NF1: variants seen among roughly 807,000 people sequenced by gnomAD.
NF1 encodes neurofibromin 1, also known as neurofibromin.
NF1 carries 122 observed loss-of-function variants against 325.7 expected under a neutral mutation model. That is an observed-to-expected ratio of 0.37 (90% confidence interval 0.32 to 0.44). The LOEUF is 0.44. NF1 is among the 20% of genes least tolerant of loss of function. The pLI is 1.00. For missense variants in NF1, 2,140 were observed against 3,415.4 expected (o/e 0.63, Z 9.31); for synonymous variants, 1,091 against 1,186.0 (o/e 0.92, Z 1.65).
At chr17:31,100,203 C>T (rs1597556556) in intron 1 of NF1, among the ~76,000 whole-genome samples, 1 of 152,138 alleles carries the variant, frequency 6.6e-6, no homozygotes, top group Non-Finnish European at 1.5e-5. Flanking sequence ...TTGTTGTTCT[C>T]ATACATTGAG....
intron 1 of NF1, among the ~76,000 whole-genome samples, chr17:31,124,578 AT>A (rs1483193670): frequency 1.0e-5 from 1 of 99,816 alleles, no homozygotes; most frequent in East Asian, 2.8e-4. Flanking sequence ...GGAAGCATAT[AT>A]TTGTATTCTT....
rs1279645304 is a variant in NF1 at position 31,374,254 on chromosome 17, A to T, written c.*99A>T. On this transcript the variant is annotated 3_prime_UTR_variant, in exon 58 of 58. Transcript: ENST00000358273. ...CTTTCCCCCCATGTTGTAATGCTGC[A>T]CTTCCTGTTTTATAATGAACCCATC... 1 of 1,496,838 alleles carries T rather than the reference A, an allele frequency of 6.7e-7. No individual in the cohort carries two copies. The highest frequency in any genetic ancestry group is 1.1e-5 in the South Asian group (1 of 87,284). The allele number at this position is 1,496,838 out of a possible 1,614,324, so 92.7% of individuals were successfully genotyped here. A position where few individuals can be genotyped will look rare whatever the true frequency, so the allele number is the denominator to read the frequency against.
intron 15 of NF1, 134 bp from the exon 16 acceptor site, chr17:31,223,306 GTTTC>G: frequency 2.0e-6 from 2 of 1,010,898 alleles, no homozygotes; most frequent in South Asian, 2.8e-5. Context: ...TTTGATAACT[GTTTC>G]TCTAAAACCT....
chr17:31,209,698 G>A (rs2066690671), intron 12 of NF1, among the ~76,000 whole-genome samples: 1 of 152,012 alleles, frequency 6.6e-6, no homozygotes, highest in Admixed American at 6.6e-5. Context: ...CACCCAGGCT[G>A]GAGTGAGTGC....
intron 1 of NF1, among the ~76,000 whole-genome samples, chr17:31,107,258 C>T (rs1912939588): frequency 6.6e-6 from 1 of 152,022 alleles, no homozygotes; most frequent in Non-Finnish European, 1.5e-5. Flanking sequence ...GTATTTCTTT[C>T]CCTGTTATGT....
rs760433938 is a variant in NF1, at chr17:31,358,600, A to G, written c.8091A>G (p.Gln2697=). Reference sequence around the variant, plus strand: ...TGTACCATGAAGAATCCCCACCACAATACCAAACATCTTACCTGCAAAGTA... The same window carrying G: ...TGTACCATGAAGAATCCCCACCACAGTACCAAACATCTTACCTGCAAAGTA... The part of the protein sequence containing the change: ...SVVYHEESPP[Q]YQTSYLQSFG... Residue 2697 remains glutamine, a synonymous_variant, in exon 55 of 58, where the codon CAA becomes CAG. Transcript: ENST00000358273. 3.7e-6 allele frequency: 6 copies of G among 1,613,964 alleles called. No homozygotes were observed. The East Asian group carries it at 1.3e-4, about 36-fold the overall frequency.
intron 48 of NF1, among the ~76,000 whole-genome samples, chr17:31,348,253 TG>T (rs1376741920): frequency 7.9e-6 from 1 of 126,126 alleles, no homozygotes; most frequent in African/African-American, 3.0e-5. Context: ...ATGTGATTTT[TG>T]GAAACAGGAA....
At chr17:31,167,829 C>G (rs1454651599) in intron 4 of NF1, among the ~76,000 whole-genome samples, 2 of 152,126 alleles carry the variant, frequency 1.3e-5, no homozygotes, top group African/African-American at 2.4e-5. Context: ...TTTGTGATAA[C>G]TTCATATTCA....
intron 15 of NF1, 199 bp downstream of exon 15, chr17:31,222,128 TA>T: frequency 7.8e-7 from 1 of 1,290,138 alleles, no homozygotes; most frequent in Non-Finnish European, 9.8e-7. Context: ...ATTTAGAAAA[TA>T]AATTTTAAGA....
chr17:31,221,935 T>C lies in NF1; in HGVS notation c.1721+6T>C, dbSNP rs2144005065. 3 of 1,584,746 alleles carry C rather than the reference T, an allele frequency of 1.9e-6. No individual in the cohort carries two copies. The highest frequency in any genetic ancestry group is 1.4e-5 in the African/African-American group (1 of 73,788). ...GAAACATTTTGGGAGATTAGGTATATGTACTTTTATTTTTTAAATTCAACT... is the reference window on the plus strand; with the variant it reads ...GAAACATTTTGGGAGATTAGGTATACGTACTTTTATTTTTTAAATTCAACT... On this transcript the variant is annotated splice_donor_region_variant and intron_variant, in intron 15 of 57. Coordinates refer to ENST00000358273, the MANE Select transcript of NF1 (RefSeq NM_001042492.3).
intron 36 of NF1, chr17:31,295,504 G>A: frequency 6.2e-7 from 1 of 1,614,150 alleles, no homozygotes. Context: ...CAGTGAATAA[G>A]CTTGAGGTAA....
At chr17:31,340,891 G>C (rs1373571852) in intron 47 of NF1, among the ~76,000 whole-genome samples, 1 of 146,068 alleles carries the variant, frequency 6.8e-6, no homozygotes. Context: ...CCTAATACTA[G>C]TAGAATTACA....
At chr17:31,154,518 C>T (rs994563167) in intron 1 of NF1, among the ~76,000 whole-genome samples, 1 of 152,188 alleles carries the variant, frequency 6.6e-6, no homozygotes, top group Admixed American at 6.5e-5. Flanking sequence ...GACTTGTGCT[C>T]ACTGAATCTA....
intron 11 of NF1, among the ~76,000 whole-genome samples, chr17:31,205,265 G>A (rs1232811088): frequency 2.0e-5 from 3 of 152,122 alleles, no homozygotes; most frequent in Non-Finnish European, 4.4e-5. Flanking sequence ...GGACTGAAAT[G>A]TGAGAGATGT....
chr17:31,117,474 C>CA (rs1914030384), intron 1 of NF1, among the ~76,000 whole-genome samples: 1 of 149,730 alleles, frequency 6.7e-6, no homozygotes, highest in Non-Finnish European at 1.5e-5. Flanking sequence ...AGATCAAGAC[C>CA]ATCCTGGCTA....
At position 31,336,496 on chromosome 17, in the gene NF1, C is replaced by T. The variant is rs759466836; in HGVS notation, c.6147+23C>T. 4 of 1,613,342 alleles carry T rather than the reference C, an allele frequency of 2.5e-6. No homozygotes were observed. The highest frequency in any genetic ancestry group is 3.4e-6 in the Non-Finnish European group (4 of 1,179,868). ...AAGGTAATCACTTTTCTTTTGCCTT[C>T]TGTACTATAGCATATCTGTTTTATC... On this transcript the variant is annotated intron_variant, in intron 41 of 57. Coordinates refer to ENST00000358273, the MANE Select transcript of NF1 (RefSeq NM_001042492.3). The surrounding 1 kb of genome is among the most constrained non-coding windows in gnomAD (Gnocchi z 5.5).
At chr17:31,355,163 A>G (rs955112033) in intron 51 of NF1, among the ~76,000 whole-genome samples, 1 of 152,226 alleles carries the variant, frequency 6.6e-6, no homozygotes, top group African/African-American at 2.4e-5. Context: ...ATGGAAGCAG[A>G]ATGAGATCTT....
chr17:31,200,963 A>G lies in NF1; in HGVS notation c.1063-74A>G. The G allele has an allele frequency of 6.9e-6, 11 of 1,594,186 alleles. No homozygotes were observed. The South Asian group carries it at 1.1e-4, about 16-fold the overall frequency. On this transcript the variant is annotated intron_variant, in intron 9 of 57. Coordinates refer to ENST00000358273, the MANE Select transcript of NF1 (RefSeq NM_001042492.3). ...TGCCATTTGTGTGGGTAATGTGTTG[A>G]TGTTATTACATGTTAGTAAAGAAAT...
At chr17:31,113,397 C>T (rs1439482954) in intron 1 of NF1, among the ~76,000 whole-genome samples, 1 of 152,016 alleles carries the variant, frequency 6.6e-6, no homozygotes, top group East Asian at 1.9e-4. Flanking sequence ...AGGTACATGC[C>T]ACCACGCTCG....
Sources: allele counts gnomAD v4.1 joint callset (sites outside exome capture counted in the v4.1 genomes callset), GRCh38; gene constraint gnomAD v4.1.1; non-coding constraint Gnocchi (gnomAD v3.1); transcripts MANE v1.5; gene names NCBI Gene and HGNC (gene_info 2026-07-23, HGNC 2026-07-21).